Variants in POU2F1 observed in about 807,000 individuals in gnomAD.
POU2F1 encodes the protein POU domain, class 2, transcription factor 1.
Under a neutral mutation model 84.9 loss-of-function variants are expected in POU2F1, and 16 were observed. The observed-to-expected ratio is 0.19, with a 90% CI of 0.13 to 0.29. The LOEUF (loss-of-function observed/expected upper bound fraction) is 0.29, where lower values mean the gene tolerates loss of function less well. Among genes scored for constraint, POU2F1 ranks in the 10% least tolerant of loss-of-function variants. POU2F1 has a pLI of 1.00. For missense variants in POU2F1, 738 were observed against 942.6 expected, an observed-to-expected ratio of 0.78 and a Z score of 2.84; for synonymous variants, 368 against 368.3, an observed-to-expected ratio of 1.00 and a Z score of 0.01.
At chr1:167,227,625 A>G (rs1648736495) in intron 1 of POU2F1, among the ~76,000 whole-genome samples, 1 of 152,178 alleles carries the variant, frequency 6.6e-6, no homozygotes, top group African/African-American at 2.4e-5. Flanking sequence ...ATTATAATTA[A>G]TGTTTTAAAG....
intron 1 of POU2F1, among the ~76,000 whole-genome samples, chr1:167,312,084 G>A (rs999542033): frequency 1.3e-5 from 2 of 152,004 alleles, no homozygotes; most frequent in African/African-American, 2.4e-5. Flanking sequence ...ACAGGCATGC[G>A]CCACCACGCT....
Position 167,350,687 on chromosome 1 carries a change from A to G in POU2F1, c.128-14780A>G, listed in dbSNP as rs185187162. On this transcript the variant is annotated intron_variant, in intron 2 of 15. Coordinates refer to ENST00000367866, the MANE Select transcript of POU2F1 (RefSeq NM_002697.4). Reference sequence around the variant, plus strand: ...AGACTCCATCTCAAAAAAAAAAAAAAAAAGAAAAGAAAATGTATTATCTGT... The same window carrying G: ...AGACTCCATCTCAAAAAAAAAAAAAGAAAGAAAAGAAAATGTATTATCTGT... 3.1e-3 allele frequency among the ~76,000 whole-genome samples: 475 copies of G among 151,450 alleles called. 4 individuals are homozygous for G. Among genetic ancestry groups the G allele is most frequent in the African/African-American group, 0.011 (447 of 41,298 alleles).
chr1:167,339,191 A>T (rs997689356), intron 2 of POU2F1, among the ~76,000 whole-genome samples: 21 of 151,494 alleles, frequency 1.4e-4, no homozygotes, highest in African/African-American at 5.1e-4. Context: ...CCTCCCCTCA[A>T]CCCTGCTTCC....
chr1:167,416,801 C>T lies in POU2F1; in HGVS notation c.*991C>T, dbSNP rs1006002192. 2.6e-5 allele frequency: 4 copies of T among 152,260 alleles called. No individual in the cohort carries two copies. The highest frequency in any genetic ancestry group is 5.9e-5 in the Non-Finnish European group (4 of 68,100). The allele number at this position is 152,260 out of a possible 1,614,324, so 9.4% of individuals were successfully genotyped here. On this transcript the variant is annotated 3_prime_UTR_variant, in exon 16 of 16. Transcript: ENST00000367866. ...CAGTTCCTGTGGTGCAACAGTGCTG[C>T]TTTCTGCTACTTTCAATGGGAACAG...
At chr1:167,274,465 T>C (rs1365981568) in intron 1 of POU2F1, among the ~76,000 whole-genome samples, 1 of 152,190 alleles carries the variant, frequency 6.6e-6, no homozygotes, top group Non-Finnish European at 1.5e-5. Flanking sequence ...TGGAATTTAC[T>C]ATTTCTGACA....
In POU2F1 at chr1:167,422,699, T is replaced by C. The variant is rs962642010; in HGVS notation, c.*6889T>C. 6.6e-6 allele frequency: 1 copy of C among 152,238 alleles called. No individual in the cohort carries two copies. Among genetic ancestry groups the C allele is most frequent in the African/African-American group, 2.4e-5 (1 of 41,458 alleles). The allele number at this position is 152,238 out of a possible 1,614,324, so 9.4% of individuals were successfully genotyped here. ...AGACTGTATCTCTAGAAAGGCTATT[T>C]TTTTAAATAAATGATCCCACAGAAC... On this transcript the variant is annotated 3_prime_UTR_variant, in exon 16 of 16. Coordinates refer to ENST00000367866, the MANE Select transcript of POU2F1 (RefSeq NM_002697.4).
At chr1:167,282,211 C>T (rs907861159) in intron 1 of POU2F1, among the ~76,000 whole-genome samples, 3 of 151,930 alleles carry the variant, frequency 2.0e-5, no homozygotes, top group East Asian at 1.9e-4. Context: ...GGCGCGATCC[C>T]GGCTCACTGC....
chr1:167,221,250 CCCT>C (rs972745395), intron 1 of POU2F1, among the ~76,000 whole-genome samples: 1,985 of 151,376 alleles, frequency 0.013, 12 homozygotes, highest in Non-Finnish European at 0.019. Context: ...TCGGCACCGG[CCCT>C]CCTCCTCTGC....
At chr1:167,242,891 A>G (rs947516129) in intron 1 of POU2F1, among the ~76,000 whole-genome samples, 4 of 152,132 alleles carry the variant, frequency 2.6e-5, no homozygotes, top group African/African-American at 9.7e-5. Context: ...ATCATACACA[A>G]TGTATACAGA....
At chr1:167,364,616 T>G (rs1361777808) in intron 2 of POU2F1, among the ~76,000 whole-genome samples, 1 of 148,734 alleles carries the variant, frequency 6.7e-6, no homozygotes, top group Non-Finnish European at 1.5e-5. Context: ...TTAGCTCTAT[T>G]ACCCAGGCTG....
At chr1:167,269,692 C>G (rs1434632254) in intron 1 of POU2F1, among the ~76,000 whole-genome samples, 1 of 152,180 alleles carries the variant, frequency 6.6e-6, no homozygotes, top group African/African-American at 2.4e-5. Context: ...GTGGGCAGAT[C>G]ACCTGAGATT....
At chr1:167,336,489 C>G (rs1222971966) in intron 2 of POU2F1, among the ~76,000 whole-genome samples, 1 of 152,202 alleles carries the variant, frequency 6.6e-6, no homozygotes, top group South Asian at 2.1e-4. Context: ...CGAAGTACCA[C>G]TGGTGGTGCC....
At chr1:167,322,543 G>A (rs1198895813) in intron 1 of POU2F1, among the ~76,000 whole-genome samples, 1 of 152,242 alleles carries the variant, frequency 6.6e-6, no homozygotes, top group Non-Finnish European at 1.5e-5. Context: ...GGCTGTGGCG[G>A]GGGACAGGCA....
rs1264747155 is a variant in POU2F1 at position 167,426,311 on chromosome 1, A to G, written c.*10501A>G. ...TAAAGTCATAGCATGAAAATAATTG[A>G]ACTGTCCTATTCTTAGTAGTTTGAA... On this transcript the variant is annotated 3_prime_UTR_variant, in exon 16 of 16. Transcript: ENST00000367866. 6.6e-6 allele frequency: 1 copy of G among 152,154 alleles called. No homozygotes were observed. The highest frequency in any genetic ancestry group is 1.5e-5 in the Non-Finnish European group (1 of 68,030). The allele number at this position is 152,154 out of a possible 1,614,324, so 9.4% of individuals were successfully genotyped here.
intron 1 of POU2F1, among the ~76,000 whole-genome samples, chr1:167,271,534 C>T (rs1652366350): frequency 6.6e-6 from 1 of 152,102 alleles, no homozygotes; most frequent in African/African-American, 2.4e-5. Context: ...TACAGTATTT[C>T]AAGGAAGTAG....
intron 2 of POU2F1, among the ~76,000 whole-genome samples, chr1:167,337,039 T>G (rs888797655): frequency 6.6e-6 from 1 of 151,914 alleles, no homozygotes; most frequent in Non-Finnish European, 1.5e-5. Context: ...ATGGTATAGC[T>G]GTAATCCCAG....
intron 13 of POU2F1, 150 bp from the exon 14 acceptor site, chr1:167,411,809 C>G: frequency 1.4e-6 from 1 of 703,616 alleles, no homozygotes; most frequent in Non-Finnish European, 2.3e-6. Context: ...TAGTTAATTT[C>G]CATAAAAGCA....
In POU2F1 at chr1:167,422,807, A is replaced by G. The variant is rs914221478; in HGVS notation, c.*6997A>G. 5 of 152,274 alleles carry G rather than the reference A, an allele frequency of 3.3e-5. No individual in the cohort carries two copies. Among genetic ancestry groups the G allele is most frequent in the Admixed American group, 6.5e-5 (1 of 15,286 alleles). The allele number at this position is 152,274 out of a possible 1,614,324, so 9.4% of individuals were successfully genotyped here. ...AGTTTTCAAAACAGGCAGAGGGAATAGGAGCAAAAAGCCAAAATTTGGAAA... is the reference window on the plus strand; with the variant it reads ...AGTTTTCAAAACAGGCAGAGGGAATGGGAGCAAAAAGCCAAAATTTGGAAA... On this transcript the variant is annotated 3_prime_UTR_variant, in exon 16 of 16. Transcript: ENST00000367866.
intron 1 of POU2F1, among the ~76,000 whole-genome samples, chr1:167,252,596 A>G (rs1180875071): frequency 1.3e-5 from 2 of 152,216 alleles, no homozygotes; most frequent in African/African-American, 2.4e-5. Context: ...GAGAACACAA[A>G]CCAATTAATA....
Sources: gnomAD v4.1 joint callset for allele counts (sites outside exome capture counted in the v4.1 genomes callset) on GRCh38, gnomAD v4.1.1 for gene constraint, MANE v1.5 for transcripts, NCBI Gene and HGNC (gene_info 2026-07-23, HGNC 2026-07-21) for gene names.